Variants in PCBP3 observed in about 807,000 individuals in gnomAD.
The protein encoded by PCBP3 is poly(rC)-binding protein 3.
A neutral mutation model predicts 52.7 loss-of-function variants in PCBP3; 25 were observed. The observed-to-expected ratio is 0.47, with a 90% confidence interval of 0.35 to 0.66. The LOEUF (loss-of-function observed/expected upper bound fraction) is 0.66, where lower values mean the gene tolerates loss of function less well. Ranked by LOEUF, PCBP3 falls within the 30% of genes least tolerant of loss-of-function variation. The pLI is 0.01. For missense variants in PCBP3, 391 were observed against 490.3 expected, an observed-to-expected ratio of 0.80 and a Z score of 1.91; for synonymous variants, 162 against 183.0, an observed-to-expected ratio of 0.89 and a Z score of 0.93.
chr21:45,894,485 C>G (rs188260853), intron 5 of PCBP3, among the ~76,000 whole-genome samples: 1 of 152,140 alleles, frequency 6.6e-6, no homozygotes, highest in Non-Finnish European at 1.5e-5. Context: ...CTCAGGGTGC[C>G]CATGTGCACA....
chr21:45,909,612 G>A, intron 10 of PCBP3, 126 bp downstream of exon 10: 3 of 869,716 alleles, frequency 3.4e-6, no homozygotes, highest in Non-Finnish European at 5.3e-6. Flanking sequence ...TGGCCACGCA[G>A]ACCCCACAGC....
Position 45,882,062 on chromosome 21 carries a change from C to T in PCBP3, c.11-14146C>T, listed in dbSNP as rs150671617. ...GGGTATATGCCCTGAAGTGAGACTG[C>T]TGGATCCTGTGGTGGTTCTATTTCT... On this transcript the variant is annotated intron_variant, in intron 5 of 17. Coordinates refer to ENST00000681687, the MANE Select transcript of PCBP3 (RefSeq NM_001384156.1). 3.5e-3 allele frequency among the ~76,000 whole-genome samples: 526 copies of T among 152,290 alleles called. 3 individuals carry two copies. The highest frequency in any genetic ancestry group is 0.012 in the African/African-American group (494 of 41,550).
chr21:45,931,841 G>A (rs1449662817), intron 15 of PCBP3, among the ~76,000 whole-genome samples: 1 of 152,102 alleles, frequency 6.6e-6, no homozygotes, highest in Non-Finnish European at 1.5e-5. Flanking sequence ...GTCCTGAAAT[G>A]AATGAACACG....
chr21:45,811,117 T>G (rs2092676454), intron 4 of PCBP3, among the ~76,000 whole-genome samples: 2 of 152,288 alleles, frequency 1.3e-5, no homozygotes, highest in African/African-American at 4.8e-5. Context: ...GTTTACTGTT[T>G]GTTCGCTGTG....
At chr21:45,909,518 G>A (rs374292013) in intron 10 of PCBP3, 32 bp downstream of exon 10, 46 of 1,605,414 alleles carry the variant, frequency 2.9e-5, no homozygotes, top group African/African-American at 1.7e-4. Flanking sequence ...GGGCCGCTGC[G>A]GAGCCTCTAG....
chr21:45,844,370 C>A (rs2093761174), intron 4 of PCBP3, among the ~76,000 whole-genome samples: 1 of 152,118 alleles, frequency 6.6e-6, no homozygotes, highest in South Asian at 2.1e-4. Context: ...GGTGGTGCTG[C>A]CCTGCCCTCC....
At chr21:45,849,913 A>G (rs2093928705) in intron 4 of PCBP3, 48 bp from the exon 5 acceptor site, 12 of 637,904 alleles carry the variant, frequency 1.9e-5, no homozygotes, top group South Asian at 1.9e-4. Context: ...GCTGGCGGAG[A>G]GGCCCTGCAC....
intron 8 of PCBP3, 68 bp from the exon 9 acceptor site, chr21:45,900,929 T>G: frequency 1.9e-6 from 2 of 1,074,630 alleles, no homozygotes; most frequent in Non-Finnish European, 2.9e-6. Flanking sequence ...TCAACGGACT[T>G]GCGGCCCCCG....
At chr21:45,938,529 A>G (rs1353879375) in intron 16 of PCBP3, among the ~76,000 whole-genome samples, 2 of 152,162 alleles carry the variant, frequency 1.3e-5, no homozygotes, top group African/African-American at 2.4e-5. Flanking sequence ...GCCATGTGCC[A>G]ATTAGGAAAC....
At position 45,805,257 on chromosome 21, in the gene PCBP3, C is replaced by T. The variant is rs552091754; in HGVS notation, c.-125-44704C>T. Among the ~76,000 whole-genome samples, 22 of 152,268 alleles carry T rather than the reference C, an allele frequency of 1.4e-4. No homozygotes were observed. Among genetic ancestry groups the T allele is most frequent in the Admixed American group, 5.2e-4 (8 of 15,308 alleles). On this transcript the variant is annotated intron_variant, in intron 4 of 17. Coordinates refer to ENST00000681687, the MANE Select transcript of PCBP3 (RefSeq NM_001384156.1). This position sits in a 1 kb window ranked among gnomAD's most constrained non-coding sequence, Gnocchi z 4.6. The stretch of plus-strand genomic sequence containing the variant: ...GAAGCCTACCTTCTATAGGAAGAGG[C>T]ATTCTTGTGTGACTCTCTGGTCATT...
intron 5 of PCBP3, among the ~76,000 whole-genome samples, chr21:45,855,978 A>G (rs1428221532): frequency 6.6e-6 from 1 of 152,224 alleles, no homozygotes; most frequent in Admixed American, 6.5e-5. Context: ...TGGCTTTTCA[A>G]TCTGACTGTG....
intron 3 of PCBP3, among the ~76,000 whole-genome samples, chr21:45,745,417 G>A (rs1164054545): frequency 6.6e-6 from 1 of 152,154 alleles, no homozygotes; most frequent in Non-Finnish European, 1.5e-5. Flanking sequence ...GCTCTGTGAG[G>A]CCCTCCCCGG....
At chr21:45,815,918 ATGAG>A (rs2092925396) in intron 4 of PCBP3, among the ~76,000 whole-genome samples, 2 of 88,386 alleles carry the variant, frequency 2.3e-5, no homozygotes, top group South Asian at 1.0e-3. Context: ...GTGGTGAGTG[ATGAG>A]TGAGTGGTGA....
chr21:45,839,236 T>C (rs902430217), intron 4 of PCBP3, among the ~76,000 whole-genome samples: 5 of 152,224 alleles, frequency 3.3e-5, no homozygotes, highest in African/African-American at 1.2e-4. Context: ...GCCAGAAGTC[T>C]CTTCTTCCTC....
chr21:45,917,504 C>T lies in PCBP3; in HGVS notation c.676-84C>T. 1 of 1,056,128 alleles carries T rather than the reference C, an allele frequency of 9.5e-7. No individual in the cohort carries two copies. Among genetic ancestry groups the T allele is most frequent in the Non-Finnish European group, 1.5e-6 (1 of 681,818 alleles). 65.4% of individuals were successfully genotyped at this position (1,056,128 alleles called of 1,614,324 possible). On this transcript the variant is annotated intron_variant, in intron 12 of 17. Transcript: ENST00000681687. This position sits in a 1 kb window ranked among gnomAD's most constrained non-coding sequence, Gnocchi z 5.3. ...GAGGGGGAAGCTTCTACCGGAGGGT[C>T]CTTGTCATGCTGGAGGGTGGCGGCG...
intron 16 of PCBP3, among the ~76,000 whole-genome samples, chr21:45,936,373 T>G (rs2076893624): frequency 1.3e-5 from 2 of 152,234 alleles, no homozygotes. Context: ...CTATCCCGGT[T>G]GCTGGTCAGG....
At chr21:45,719,655 T>C (rs889159818) in intron 2 of PCBP3, among the ~76,000 whole-genome samples, 1 of 152,128 alleles carries the variant, frequency 6.6e-6, no homozygotes, top group African/African-American at 2.4e-5. Flanking sequence ...GTTAAGAAGG[T>C]GCCTGCTTCT....
intron 4 of PCBP3, among the ~76,000 whole-genome samples, chr21:45,843,159 T>TTGAATAGTGAACTCACCG (rs1569298253): frequency 1.3e-5 from 2 of 152,180 alleles, no homozygotes; most frequent in African/African-American, 4.8e-5. Flanking sequence ...CTTTCAGGGT[T>TTGAATAGTGAACTCACCG]CTCTTCTGTT....
intron 13 of PCBP3, 27 bp from the exon 14 acceptor site, chr21:45,929,890 T>C (rs2075955534): frequency 1.9e-6 from 3 of 1,576,914 alleles, no homozygotes; most frequent in Non-Finnish European, 2.6e-6. Flanking sequence ...AATAACCTTC[T>C]TAGCTCTCGT....
Sources: allele counts gnomAD v4.1 joint callset (sites outside exome capture counted in the v4.1 genomes callset), GRCh38; gene constraint gnomAD v4.1.1; non-coding constraint Gnocchi (gnomAD v3.1); transcripts MANE v1.5; gene names NCBI Gene and HGNC (gene_info 2026-07-23, HGNC 2026-07-21).